Variants in SLC4A5 observed in about 807,000 individuals in gnomAD.
SLC4A5 encodes the protein electrogenic sodium bicarbonate cotransporter 4.
SLC4A5 carries 96 observed loss-of-function variants against 120.4 expected under a neutral mutation model. That is an observed-to-expected ratio of 0.80 (90% CI 0.68 to 0.94). The LOEUF is 0.94. Ranked by LOEUF, SLC4A5 falls within the 40% of genes least tolerant of loss-of-function variation. The probability of loss-of-function intolerance (pLI) is 0.00; values close to 1 mark genes in which losing one functional copy is unlikely to be tolerated. For missense variants in SLC4A5, 1,259 were observed against 1,459.5 expected (o/e 0.86, Z 2.24); for synonymous variants, 550 against 571.1 (o/e 0.96, Z 0.53).
chr2:74,288,150 T>C lies in SLC4A5; in HGVS notation c.272-2248A>G, dbSNP rs534550583. Reference sequence around the variant, plus strand: ...AGATAAAGAATTGTAAGATTTCATATAGAAATCCAGATCTCTGACTTTTCT... The same window carrying C: ...AGATAAAGAATTGTAAGATTTCATACAGAAATCCAGATCTCTGACTTTTCT... On this transcript the variant is annotated intron_variant, in intron 7 of 30. Coordinates refer to ENST00000394019, the Ensembl canonical transcript of SLC4A5. Among the ~76,000 whole-genome samples, 6 of 152,312 alleles carry C rather than the reference T, an allele frequency of 3.9e-5. No homozygotes were observed. The South Asian group carries it at 8.3e-4, about 21-fold the overall frequency.
chr2:74,263,426 A>G (rs1183826497), intron 10 of SLC4A5, among the ~76,000 whole-genome samples: 1 of 152,178 alleles, frequency 6.6e-6, no homozygotes, highest in Non-Finnish European at 1.5e-5. Context: ...GAGGTTCCTC[A>G]ATGTTTTTAA....
intron 28 of SLC4A5, 141 bp downstream of exon 28, chr2:74,224,699 G>T: frequency 8.5e-7 from 1 of 1,175,874 alleles, no homozygotes; most frequent in Non-Finnish European, 1.2e-6. Context: ...ACCAAGACAA[G>T]CAGATGCCCC....
intron 13 of SLC4A5, 51 bp from the exon 14 acceptor site, chr2:74,254,757 GA>G (rs781569305): frequency 2.9e-5 from 38 of 1,318,506 alleles, no homozygotes; most frequent in Non-Finnish European, 4.4e-6. Context: ...AGAGGAGCAT[GA>G]AAGTGAGAAG....
chr2:74,279,130 C>A (rs1212754027), intron 8 of SLC4A5, among the ~76,000 whole-genome samples: 1 of 152,228 alleles, frequency 6.6e-6, no homozygotes, highest in South Asian at 2.1e-4. Context: ...CTTCGCTGAC[C>A]CTCAAAAACA....
Position 74,265,084 on chromosome 2 carries a change from C to T in SLC4A5, c.562+20G>A, listed in dbSNP as rs554691398. 10 of 1,605,006 alleles carry T rather than the reference C, an allele frequency of 6.2e-6. No homozygotes were observed. The highest frequency in any genetic ancestry group is 5.5e-5 in the South Asian group (5 of 90,232). On this transcript the variant is annotated intron_variant, in intron 9 of 30. Transcript: ENST00000394019. ...TTGCAGGGACCACAGGAGAGATGCA[C>T]ACAGTGGCCCCTGCCTCACCTATGA...
rs1670745328 is a variant in SLC4A5, at chr2:74,250,195, C to T, written c.1653+148G>A. ...ATATTGTCTTATTATATTATTATTA[C>T]TTGAAGCGTAAAGGATTACAAATAG... On this transcript the variant is annotated intron_variant, in intron 17 of 30. Coordinates refer to ENST00000394019, the Ensembl canonical transcript of SLC4A5. The T allele has an allele frequency of 2.5e-5, 16 of 650,044 alleles. No individual in the cohort carries two copies. The South Asian group carries it at 3.3e-4, about 14-fold the overall frequency. The allele number at this position is 650,044 out of a possible 1,614,324, so 40.3% of individuals were successfully genotyped here. A position where few individuals can be genotyped will look rare whatever the true frequency, so the allele number is the denominator to read the frequency against.
At chr2:74,224,712 C>T in intron 28 of SLC4A5, 128 bp downstream of exon 28, 1 of 1,294,588 alleles carries the variant, frequency 7.7e-7, no homozygotes, top group Non-Finnish European at 1.1e-6. Context: ...GATGCCCCAG[C>T]CCATCCTGGA....
intron 15 of SLC4A5, 118 bp from the exon 16 acceptor site, chr2:74,252,506 T>C: frequency 8.2e-7 from 1 of 1,216,334 alleles, no homozygotes; most frequent in South Asian, 1.5e-5. Context: ...TCTAACAATA[T>C]CCACACGCAG....
At chr2:74,283,997 C>G (rs147107609) in intron 8 of SLC4A5, among the ~76,000 whole-genome samples, 1 of 151,872 alleles carries the variant, frequency 6.6e-6, no homozygotes. Context: ...GCCACCACGC[C>G]TAGCTAATTT....
chr2:74,290,739 C>T, intron 7 of SLC4A5: 1 of 985,882 alleles, frequency 1.0e-6, no homozygotes, highest in Non-Finnish European at 1.2e-6. Flanking sequence ...GCAGCAGAAC[C>T]TCAAGCAGGA....
chr2:74,248,168 G>C (rs1670677026), intron 18 of SLC4A5, among the ~76,000 whole-genome samples, 185 bp downstream of exon 18: 2 of 152,206 alleles, frequency 1.3e-5, no homozygotes, highest in Non-Finnish European at 2.9e-5. Context: ...TATGCACTAA[G>C]ATGTCTTAAA....
rs1450457146 is a variant in SLC4A5 at position 74,312,355 on chromosome 2, G to A, written c.79+2590C>T. On this transcript the variant is annotated intron_variant, in intron 6 of 30. Coordinates refer to ENST00000394019, the Ensembl canonical transcript of SLC4A5. ...AACTGATTTCCTGACTCAGCCTCCC[G>A]AGTAGTTGGGATTACAGGTGCATGC... Among the ~76,000 whole-genome samples the A allele has an allele frequency of 2.6e-5, 4 of 151,742 alleles. No homozygotes were observed. In the East Asian group the frequency reaches 7.7e-4, roughly 29 times the overall value.
intron 2 of SLC4A5, among the ~76,000 whole-genome samples, chr2:74,341,536 C>A (rs562852504): frequency 1.2e-4 from 19 of 152,286 alleles, no homozygotes; most frequent in African/African-American, 4.3e-4. Context: ...CACAGCCTGG[C>A]AAAGTGCCTC....
chr2:74,266,638 T>C (rs1446515843), intron 8 of SLC4A5, among the ~76,000 whole-genome samples: 1 of 152,292 alleles, frequency 6.6e-6, no homozygotes, highest in Admixed American at 6.5e-5. Context: ...GTTAAATCCC[T>C]ACTTTTCACC....
At position 74,306,652 on chromosome 2, in the gene SLC4A5, CTTT is replaced by C. The variant is rs58494912; in HGVS notation, c.80-1975_80-1973del. ...GTTTTCAAGGTTTGATAGTTCATTT[CTTT>C]TTTTTTTTTTTAACCTCTGAACTTT... On this transcript the variant is annotated intron_variant, in intron 6 of 30. Transcript: ENST00000394019. 4.7e-3 allele frequency: 2,086 copies of C among 446,008 alleles called. 1 individual carries two copies. Among genetic ancestry groups the C allele is most frequent in the East Asian group, 8.2e-3 (135 of 16,448 alleles). 27.6% of individuals were successfully genotyped at this position (446,008 alleles called of 1,614,324 possible). A position where few individuals can be genotyped will look rare whatever the true frequency, so the allele number is the denominator to read the frequency against.
rs551861096 is a variant in SLC4A5 at position 74,229,361 on chromosome 2, C to T, written c.2848-1483G>A. Among the ~76,000 whole-genome samples the T allele has an allele frequency of 1.3e-3, 196 of 151,964 alleles. 2 individuals carry two copies. The highest frequency in any genetic ancestry group is 1.9e-3 in the Non-Finnish European group (127 of 67,950). The stretch of plus-strand genomic sequence containing the variant: ...ACCTCCCGGGCTCAACCAATTCTCC[C>T]GTCTCAGCCTCCTGAGTAGCTGGGA... On this transcript the variant is annotated intron_variant, in intron 25 of 30. Coordinates refer to ENST00000394019, the Ensembl canonical transcript of SLC4A5.
intron 5 of SLC4A5, 72 bp downstream of exon 5, chr2:74,328,048 G>T (rs1573108701): frequency 5.1e-6 from 4 of 781,810 alleles, no homozygotes; most frequent in Non-Finnish European, 6.2e-6. Context: ...CTGTGTTCAT[G>T]CTATGAAACA....
intron 25 of SLC4A5, among the ~76,000 whole-genome samples, chr2:74,229,028 A>G (rs1340069603): frequency 6.7e-6 from 1 of 150,350 alleles, no homozygotes; most frequent in African/African-American, 2.4e-5. Flanking sequence ...TCCGGAGAGC[A>G]CAGAGCACTA....
At chr2:74,280,679 T>C (rs1466455403) in intron 8 of SLC4A5, among the ~76,000 whole-genome samples, 1 of 137,958 alleles carries the variant, frequency 7.2e-6, no homozygotes, top group East Asian at 2.8e-4. Flanking sequence ...GAGGGCATTA[T>C]ACAGGATTTT....
Sources: gnomAD v4.1 joint callset for allele counts (sites outside exome capture counted in the v4.1 genomes callset) on GRCh38, gnomAD v4.1.1 for gene constraint, MANE v1.5 for transcripts, NCBI Gene and HGNC (gene_info 2026-07-23, HGNC 2026-07-21) for gene names.